Variants in ACBD6 observed in about 807,000 individuals in gnomAD.
ACBD6 encodes the protein acyl-CoA-binding domain-containing protein 6.
A neutral mutation model predicts 37.2 loss-of-function variants in ACBD6; 28 were observed. The observed-to-expected ratio is 0.75, with a 90% CI of 0.56 to 1.03. The LOEUF (loss-of-function observed/expected upper bound fraction) is 1.03. Among genes scored for constraint, ACBD6 ranks in the 50% least tolerant of loss-of-function variants. The pLI, the probability that ACBD6 is intolerant of heterozygous loss-of-function variation, is 0.00. For synonymous variants in ACBD6, 113 were observed against 126.8 expected (o/e 0.89, Z 0.73); for missense variants, 340 against 337.4 (o/e 1.01, Z -0.06).
intron 6 of ACBD6, among the ~76,000 whole-genome samples, chr1:180,317,723 A>G (rs192617614): frequency 1.3e-5 from 2 of 152,304 alleles, no homozygotes; most frequent in East Asian, 1.9e-4. Flanking sequence ...AGGTAAGCCA[A>G]TAACAGCAAA....
In ACBD6 at chr1:180,495,653, C is replaced by G; in HGVS notation, c.223-128G>C. 5 of 655,240 alleles carry G rather than the reference C, an allele frequency of 7.6e-6. No individual in the cohort carries two copies. The Middle Eastern group carries it at 1.6e-3, about 211-fold the overall frequency. 40.6% of individuals were successfully genotyped at this position (655,240 alleles called of 1,614,324 possible). A position where few individuals can be genotyped will look rare whatever the true frequency, so the allele number is the denominator to read the frequency against. ...AAATATTTGCATCTATATGGAATAG[C>G]AAAATTTAACATTCTTTGCCAAAGC... On this transcript the variant is annotated intron_variant, in intron 1 of 7. Coordinates refer to ENST00000367595, the MANE Select transcript of ACBD6 (RefSeq NM_032360.4).
rs1338350263 is a variant in ACBD6 at position 180,394,506 on chromosome 1, G to C, written c.663+3010C>G. Among the ~76,000 whole-genome samples, 6 of 152,020 alleles carry C rather than the reference G, an allele frequency of 3.9e-5. No individual in the cohort carries two copies. In the East Asian group the frequency reaches 1.2e-3, roughly 29 times the overall value. Reference sequence around the variant, plus strand: ...GAAAAATAAATGAGCAAAAATAGTAGAAAGTATTTTGAATGAGTAGTGAAG... The same window carrying C: ...GAAAAATAAATGAGCAAAAATAGTACAAAGTATTTTGAATGAGTAGTGAAG... On this transcript the variant is annotated intron_variant, in intron 6 of 7. Transcript: ENST00000367595.
intron 3 of ACBD6, among the ~76,000 whole-genome samples, chr1:180,491,969 C>G (rs1651521322): frequency 6.6e-6 from 1 of 152,068 alleles, no homozygotes; most frequent in South Asian, 2.1e-4. Flanking sequence ...ACCACCACGT[C>G]CAGCTAATTT....
intron 3 of ACBD6, among the ~76,000 whole-genome samples, chr1:180,455,810 T>C (rs1649893711): frequency 6.6e-6 from 1 of 152,220 alleles, no homozygotes; most frequent in African/African-American, 2.4e-5. Flanking sequence ...TAGAATTACA[T>C]TTTTTGAACT....
chr1:180,365,541 A>G (rs183516403), intron 6 of ACBD6, among the ~76,000 whole-genome samples: 1 of 152,186 alleles, frequency 6.6e-6, no homozygotes, highest in African/African-American at 2.4e-5. Flanking sequence ...AAATACAAAA[A>G]TCTAAGCTTT....
chr1:180,413,400 G>C lies in ACBD6; in HGVS notation c.539C>G (p.Ser180Trp). ...NIDHITKAIKSKNVDVNVKDE... is the reference protein window; with the variant it reads ...NIDHITKAIKWKNVDVNVKDE... ...TTTCACATTCACATCCACATTTTTCGATTTGATGGCTTTGGTTATATGGTC... is the reference window on the plus strand; with the variant it reads ...TTTCACATTCACATCCACATTTTTCCATTTGATGGCTTTGGTTATATGGTC... The change falls in exon 5 of 8, where the codon TCG (serine) becomes TGG (tryptophan). Residue 180 changes from serine to tryptophan, a missense_variant. Ser to Trp is a radical substitution (Grantham distance 177, BLOSUM62 -3). Coordinates refer to ENST00000367595, the MANE Select transcript of ACBD6 (RefSeq NM_032360.4). The C allele has an allele frequency of 6.2e-7, 1 of 1,613,332 alleles. No individual in the cohort carries two copies. Among genetic ancestry groups the C allele is most frequent in the Non-Finnish European group, 8.5e-7 (1 of 1,179,744 alleles).
At chr1:180,461,975 C>T (rs115494044) in intron 3 of ACBD6, among the ~76,000 whole-genome samples, 2,777 of 152,248 alleles carry the variant, frequency 0.018, 90 homozygotes, top group African/African-American at 0.062. Context: ...GTGGCTCACA[C>T]TTGTAATCCA....
chr1:180,272,703 G>C (rs1342519524), intron 12 of ACBD6: 1 of 152,264 alleles, frequency 6.6e-6, no homozygotes, highest in Admixed American at 6.5e-5. Context: ...CTGCGGAGGG[G>C]GAAAGGGAAG....
intron 6 of ACBD6, among the ~76,000 whole-genome samples, chr1:180,392,680 T>C (rs938575758): frequency 9.2e-5 from 14 of 152,126 alleles, no homozygotes; most frequent in African/African-American, 2.7e-4. Context: ...ACTTGTTATA[T>C]CCTACCCAAC....
rs571700602 is a variant in ACBD6 at position 180,486,546 on chromosome 1, T to A, written c.384+5723A>T. 3.6e-3 allele frequency among the ~76,000 whole-genome samples: 542 copies of A among 152,248 alleles called. 1 individual carries two copies. Among genetic ancestry groups the A allele is most frequent in the Non-Finnish European group, 6.1e-3 (416 of 67,992 alleles). ...TGGGAGGAAAGTTCTCAACAATGAA[T>A]AAATGGGCAGAAAGGGAAAGTCCAT... On this transcript the variant is annotated intron_variant, in intron 3 of 7. Transcript: ENST00000367595.
At chr1:180,496,694 A>T (rs1651752976) in intron 1 of ACBD6, among the ~76,000 whole-genome samples, 2 of 152,142 alleles carry the variant, frequency 1.3e-5, no homozygotes, top group African/African-American at 4.8e-5. Context: ...CACCTCTATC[A>T]TTTGCTTAGC....
At chr1:180,382,434 T>C (rs553380888) in intron 6 of ACBD6, among the ~76,000 whole-genome samples, 53 of 151,490 alleles carry the variant, frequency 3.5e-4, no homozygotes, top group African/African-American at 1.3e-3. Flanking sequence ...AATTACACAA[T>C]AAAAAAACTA....
At chr1:180,422,181 T>C (rs1204844977) in intron 4 of ACBD6, among the ~76,000 whole-genome samples, 1 of 152,082 alleles carries the variant, frequency 6.6e-6, no homozygotes, top group Non-Finnish European at 1.5e-5. Flanking sequence ...GTAGCTGTGG[T>C]GATGGTTCAT....
chr1:180,461,701 G>A (rs1455617566), intron 3 of ACBD6, among the ~76,000 whole-genome samples: 1 of 152,116 alleles, frequency 6.6e-6, no homozygotes, highest in Non-Finnish European at 1.5e-5. Context: ...ATCCTTTTCA[G>A]AAAAGTAAAT....
chr1:180,381,619 T>C (rs375886977), intron 6 of ACBD6, among the ~76,000 whole-genome samples: 11 of 152,176 alleles, frequency 7.2e-5, no homozygotes, highest in South Asian at 2.1e-4. Flanking sequence ...TGAATCACCA[T>C]TGGGTCAAGA....
intron 12 of ACBD6, chr1:180,272,984 A>G (rs188127928): frequency 1.3e-5 from 2 of 152,360 alleles, no homozygotes; most frequent in East Asian, 3.9e-4. Flanking sequence ...GGAAAAGGCT[A>G]ACTCATGGCC....
At chr1:180,297,588 C>T (rs549656576) in intron 7 of ACBD6, among the ~76,000 whole-genome samples, 2 of 152,178 alleles carry the variant, frequency 1.3e-5, no homozygotes, top group East Asian at 1.9e-4. Context: ...TTGGGTAGCT[C>T]CTGAGACTCA....
At chr1:180,444,050 A>C (rs1269471310) in intron 3 of ACBD6, among the ~76,000 whole-genome samples, 1 of 152,014 alleles carries the variant, frequency 6.6e-6, no homozygotes, top group Non-Finnish European at 1.5e-5. Context: ...TCTCATCCCT[A>C]TTACTCCACC....
chr1:180,499,692 T>C (rs1413357605), intron 1 of ACBD6, among the ~76,000 whole-genome samples: 1 of 152,176 alleles, frequency 6.6e-6, no homozygotes, highest in Non-Finnish European at 1.5e-5. Flanking sequence ...TGATTCTCAG[T>C]AAATATTTGT....
Sources: allele counts gnomAD v4.1 joint callset (sites outside exome capture counted in the v4.1 genomes callset), GRCh38; gene constraint gnomAD v4.1.1; transcripts MANE v1.5; gene names NCBI Gene and HGNC (gene_info 2026-07-23, HGNC 2026-07-21).